KATNIP: variants seen among roughly 807,000 people sequenced by gnomAD.
The protein encoded by KATNIP is katanin interacting protein, also known as katanin-interacting protein.
In KATNIP, 126 loss-of-function variants were observed where a neutral mutation model predicts 174.0. The observed-to-expected ratio is 0.72, with a 90% CI of 0.63 to 0.84. The LOEUF is 0.84. Among genes scored for constraint, KATNIP ranks in the 40% least tolerant of loss-of-function variants. KATNIP has a pLI of 0.00. For missense variants in KATNIP, 1,958 were observed against 2,109.7 expected, an observed-to-expected ratio of 0.93 and a Z score of 1.41; for synonymous variants, 810 against 835.7, an observed-to-expected ratio of 0.97 and a Z score of 0.53.
chr16:27,631,189 G>A lies in KATNIP; in HGVS notation c.408+27G>A, dbSNP rs200541239. 67 of 1,498,638 alleles carry A rather than the reference G, an allele frequency of 4.5e-5. No homozygotes were observed. In the East Asian group the frequency reaches 8.6e-4, roughly 19 times the overall value. The allele number at this position is 1,498,638 out of a possible 1,614,324, so 92.8% of individuals were successfully genotyped here. A position where few individuals can be genotyped will look rare whatever the true frequency, so the allele number is the denominator to read the frequency against. On this transcript the variant is annotated intron_variant, in intron 5 of 27. Transcript: ENST00000261588. ...TCTGGAGACTGTGGCCCCAGCCCAC[G>A]CTTTAGAATACAGAGTGTGGGTGGC...
At chr16:27,718,791 C>T (rs1489699923) in intron 13 of KATNIP, 1 of 135,532 alleles carries the variant, frequency 7.4e-6, no homozygotes, top group Non-Finnish European at 1.7e-5. Context: ...GCTGGAGAAA[C>T]TTGCCAGAAT....
rs576127709 is a variant in KATNIP at position 27,614,818 on chromosome 16, C to G, written c.64-3607C>G. On this transcript the variant is annotated intron_variant, in intron 2 of 27. Transcript: ENST00000261588. ...AAGTCGGGAAGGAAAAGTAGAGGCTCCAGGGGAAGATGGAAGCAGATGGCA... is the reference window on the plus strand; with the variant it reads ...AAGTCGGGAAGGAAAAGTAGAGGCTGCAGGGGAAGATGGAAGCAGATGGCA... Among the ~76,000 whole-genome samples the G allele has an allele frequency of 2.0e-5, 3 of 152,086 alleles. No homozygotes were observed. In the South Asian group the frequency reaches 6.2e-4, roughly 32 times the overall value.
chr16:27,607,945 T>C (rs984483584), intron 2 of KATNIP, among the ~76,000 whole-genome samples: 3 of 152,176 alleles, frequency 2.0e-5, no homozygotes, highest in Non-Finnish European at 4.4e-5. Flanking sequence ...GTCTAAGTGA[T>C]GGTTCTCTGG....
chr16:27,690,363 T>TAGATAGATGATA (rs397837255), intron 8 of KATNIP, among the ~76,000 whole-genome samples: 4,289 of 90,352 alleles, frequency 0.047, 84 homozygotes, highest in Admixed American at 0.075. Flanking sequence ...GATAGATAGA[T>TAGATAGATGATA]GATAGATAGA....
At position 27,573,909 on chromosome 16, in the gene KATNIP, C is replaced by T; in HGVS notation, c.16C>T (p.Leu6=). ...CTTTTGAACTGCGACAGGTCAGACT[C>T]TGCGAAAGGCCGAGAGAAGCTGGTC... MDGQT[L]RKAERSWSCS... The change falls in exon 2 of 28, where the codon CTG becomes TTG. Residue 6 remains leucine (L), a synonymous_variant. Transcript: ENST00000261588. The T allele has an allele frequency of 6.2e-7, 1 of 1,614,170 alleles. No homozygotes were observed. Among genetic ancestry groups the T allele is most frequent in the Non-Finnish European group, 8.5e-7 (1 of 1,180,028 alleles).
chr16:27,597,394 T>G (rs2075367647), intron 2 of KATNIP, among the ~76,000 whole-genome samples: 1 of 136,842 alleles, frequency 7.3e-6, no homozygotes, highest in African/African-American at 2.8e-5. Context: ...TTTAATGTAT[T>G]TTCTTTTCTT....
At chr16:27,749,235 T>C (rs8048373) in intron 15 of KATNIP, among the ~76,000 whole-genome samples, 8,951 of 152,326 alleles carry the variant, frequency 0.059, 541 homozygotes, top group African/African-American at 0.15. Context: ...AAAAATGCTT[T>C]GTGTTTTTGC....
chr16:27,656,554 G>A (rs935321406), intron 6 of KATNIP, among the ~76,000 whole-genome samples: 3 of 151,160 alleles, frequency 2.0e-5, no homozygotes, highest in African/African-American at 7.3e-5. Flanking sequence ...GTCCAACAAC[G>A]ATAGACTGGA....
intron 5 of KATNIP, among the ~76,000 whole-genome samples, chr16:27,641,766 T>C (rs2076806551): frequency 6.6e-6 from 1 of 152,220 alleles, no homozygotes; most frequent in African/African-American, 2.4e-5. Context: ...GAATTCTGCA[T>C]TTCTCACAAA....
intron 2 of KATNIP, among the ~76,000 whole-genome samples, chr16:27,616,286 C>A (rs2076033686): frequency 6.6e-6 from 1 of 152,068 alleles, no homozygotes; most frequent in Admixed American, 6.6e-5. Context: ...GCAGGAGAAT[C>A]CGGGAGGCAG....
intron 5 of KATNIP, among the ~76,000 whole-genome samples, chr16:27,640,875 C>CCTGTCGGGCGCGG (rs1441704018): frequency 6.6e-6 from 1 of 151,972 alleles, no homozygotes; most frequent in African/African-American, 2.4e-5. Context: ...GAGGCTCACG[C>CCTGTCGGGCGCGG]ATGTAATCCC....
Position 27,619,011 on chromosome 16 carries a change from A to G in KATNIP, c.140+510A>G, listed in dbSNP as rs2076122505. On this transcript the variant is annotated intron_variant, in intron 3 of 27. Coordinates refer to ENST00000261588, the MANE Select transcript of KATNIP (RefSeq NM_015202.5). ...AAAGCTTGCAGTAGGTCCAGTGTGT[A>G]GCGATCAAGGTCAAAACATCATGGT... is the stretch of plus-strand genomic sequence containing the variant. Among the ~76,000 whole-genome samples the G allele has an allele frequency of 2.0e-5, 3 of 152,240 alleles. No individual in the cohort carries two copies. In the South Asian group the frequency reaches 6.2e-4, roughly 32 times the overall value.
intron 8 of KATNIP, among the ~76,000 whole-genome samples, chr16:27,684,811 T>C (rs924377346): frequency 2.0e-5 from 3 of 152,214 alleles, no homozygotes; most frequent in Non-Finnish European, 4.4e-5. Flanking sequence ...TGTGTCCAAA[T>C]GTGCCATTTT....
intron 7 of KATNIP, 138 bp from the exon 8 acceptor site, chr16:27,681,261 T>G: frequency 8.8e-7 from 1 of 1,130,026 alleles, no homozygotes; most frequent in South Asian, 1.4e-5. Context: ...TATTCACATC[T>G]CTAATCCCAA....
chr16:27,730,827 A>G lies in KATNIP; in HGVS notation c.1743+9132A>G, dbSNP rs116954933. On this transcript the variant is annotated intron_variant, in intron 14 of 27. Transcript: ENST00000261588. ...CACCCCCGGCCAAGTCTGCCCTGCA[A>G]TGTGTTCGGTTTTGGTCCTCACAGT... is the stretch of plus-strand genomic sequence containing the variant. 8.5e-5 allele frequency among the ~76,000 whole-genome samples: 13 copies of G among 152,282 alleles called. No homozygotes were observed. In the East Asian group the frequency reaches 1.9e-3, roughly 23 times the overall value.
At position 27,577,414 on chromosome 16, in the gene KATNIP, A is replaced by G. The variant is rs150575623; in HGVS notation, c.63+3458A>G. ...AAAAAAATTAAACAGGTGTGAGGCC[A>G]GGCATGGTGGCTCATGTCTGTAATC... On this transcript the variant is annotated intron_variant, in intron 2 of 27. Transcript: ENST00000261588. 3.2e-4 allele frequency among the ~76,000 whole-genome samples: 48 copies of G among 152,256 alleles called. 1 individual carries two copies. The highest frequency in any genetic ancestry group is 8.7e-4 in the African/African-American group (36 of 41,556).
At chr16:27,639,203 G>A (rs1355441246) in intron 5 of KATNIP, among the ~76,000 whole-genome samples, 1 of 152,202 alleles carries the variant, frequency 6.6e-6, no homozygotes, top group African/African-American at 2.4e-5. Flanking sequence ...AGAAGCCGAT[G>A]ACTTCCACCT....
chr16:27,700,216 T>C (rs2142989283), intron 10 of KATNIP, among the ~76,000 whole-genome samples: 1 of 152,346 alleles, frequency 6.6e-6, no homozygotes, highest in East Asian at 1.9e-4. Context: ...CTGACCTATA[T>C]TTCTATTTAT....
At chr16:27,577,648 G>A (rs1057330736) in intron 2 of KATNIP, among the ~76,000 whole-genome samples, 4 of 152,066 alleles carry the variant, frequency 2.6e-5, no homozygotes, top group Admixed American at 1.3e-4. Context: ...GCCGAGATCG[G>A]GCCACTGCTC....
Sources: gnomAD v4.1 joint callset for allele counts (sites outside exome capture counted in the v4.1 genomes callset) on GRCh38, gnomAD v4.1.1 for gene constraint, MANE v1.5 for transcripts, NCBI Gene and HGNC (gene_info 2026-07-23, HGNC 2026-07-21) for gene names.